The following ADAMTSL5 variants were observed in gnomAD, a reference collection of about 807,000 sequenced individuals.
ADAMTSL5 encodes the protein ADAMTS like 5, also known as ADAMTS-like protein 5.
A neutral mutation model predicts 51.7 loss-of-function variants in ADAMTSL5; 53 were observed. The observed-to-expected ratio is 1.03, with a 90% CI of 0.82 to 1.29. ADAMTSL5 has a LOEUF of 1.29. Among genes scored for constraint, ADAMTSL5 ranks in the 50% most tolerant of loss-of-function variants. ADAMTSL5 has a pLI of 0.00. For missense variants in ADAMTSL5, 770 were observed against 676.2 expected, an observed-to-expected ratio of 1.14 and a Z score of -1.54; for synonymous variants, 285 against 278.7, an observed-to-expected ratio of 1.02 and a Z score of -0.23.
chr19:1,510,389 C>T lies in ADAMTSL5; in HGVS notation c.231G>A (p.Glu77=). The T allele has an allele frequency of 6.2e-7, 1 of 1,613,174 alleles. No individual in the cohort carries two copies. Among genetic ancestry groups the T allele is most frequent in the Non-Finnish European group, 8.5e-7 (1 of 1,179,874 alleles). ...GEEPCWGDSH[E]YRLCQLPDCP... is the part of the protein sequence containing the mutation. ...TTACTGGCAACTGGCAGAGGCGGTA[C>T]TCATGGGAGTCTCCCCAGCACGGTT... The change falls in exon 4 of 12, where the codon GAG becomes GAA. Residue 77 remains glutamate (E), a synonymous_variant. Coordinates refer to ENST00000330475, the MANE Select transcript of ADAMTSL5 (RefSeq NM_213604.3).
At chr19:1,508,250 G>A in intron 6 of ADAMTSL5, 141 bp from the exon 7 acceptor site, 2 of 1,222,918 alleles carry the variant, frequency 1.6e-6, no homozygotes, top group Non-Finnish European at 2.2e-6. Context: ...CCTGGCGGGA[G>A]GAGGATGGGC....
chr19:1,511,047 G>C lies in ADAMTSL5; in HGVS notation c.-104C>G. Reference sequence around the variant, plus strand: ...TCTCTGAGCCCTACCTCTCGTCTCTGAAAAACGGGGTAATAGAGCCTCCCT... The same window carrying C: ...TCTCTGAGCCCTACCTCTCGTCTCTCAAAAACGGGGTAATAGAGCCTCCCT... On this transcript the variant is annotated 5_prime_UTR_variant, in exon 2 of 12. Transcript: ENST00000330475. 1.1e-6 allele frequency: 1 copy of C among 898,858 alleles called. No homozygotes were observed. Among genetic ancestry groups the C allele is most frequent in the South Asian group, 4.3e-5 (1 of 23,256 alleles). 55.7% of individuals were successfully genotyped at this position (898,858 alleles called of 1,614,324 possible).
Position 1,505,957 on chromosome 19 carries a change from G to T in ADAMTSL5, c.*58C>A, listed in dbSNP as rs553786541. 7.6e-6 allele frequency: 11 copies of T among 1,453,398 alleles called. No individual in the cohort carries two copies. The highest frequency in any genetic ancestry group is 5.2e-5 in the Admixed American group (2 of 38,794). The allele number at this position is 1,453,398 out of a possible 1,614,324, so 90.0% of individuals were successfully genotyped here. ...AGGGTGAGAGGGGAAATACGTTGAC[G>T]TTGAGGCTGGTCAGATGTATCTTTC... is the stretch of plus-strand genomic sequence containing the variant. On this transcript the variant is annotated 3_prime_UTR_variant, in exon 12 of 12. Transcript: ENST00000330475.
rs774416510 is a variant in ADAMTSL5, at chr19:1,508,496, C to T, written c.436G>A (p.Gly146Ser). The T allele has an allele frequency of 1.6e-5, 25 of 1,586,766 alleles. No individual in the cohort carries two copies. The highest frequency in any genetic ancestry group is 2.3e-5 in the East Asian group (1 of 44,160). The change falls in exon 6 of 12, where the codon GGC becomes AGC. Residue 146 changes from glycine to serine, a missense_variant. Coordinates refer to ENST00000330475, the MANE Select transcript of ADAMTSL5 (RefSeq NM_213604.3). ...FYHSFGRVLD[G>S]TACSPGAQGV... ...TGGGCACCCGGGCTGCAGGCGGTGC[C>T]GTCCAGGACGCGGCCGAAGCTGTGG...
In ADAMTSL5 at chr19:1,507,302, G is replaced by A. The variant is rs1478038143; in HGVS notation, c.792C>T (p.Asp264=). 1.3e-6 allele frequency: 2 copies of A among 1,588,964 alleles called. No homozygotes were observed. Among genetic ancestry groups the A allele is most frequent in the Admixed American group, 1.8e-5 (1 of 56,470 alleles). The stretch of plus-strand genomic sequence containing the variant: ...CTTGCAATGTCTCCTGGGGCCCTGT[G>A]TCTCGGGTGTAGACCACATGCGTGC... ...AAGTHVVYTR[D]TGPQETLQAA... is the part of the protein sequence containing the mutation. The change falls in exon 9 of 12, where the codon GAC becomes GAT. Residue 264 remains aspartate (D), a synonymous_variant. Transcript: ENST00000330475.
rs1912930524 is a variant in ADAMTSL5 at position 1,506,496 on chromosome 19, A to C, written c.1114+94T>G. The C allele has an allele frequency of 6.7e-7, 1 of 1,497,858 alleles. No homozygotes were observed. The highest frequency in any genetic ancestry group is 2.0e-5 in the Admixed American group (1 of 51,194). 92.8% of individuals were successfully genotyped at this position (1,497,858 alleles called of 1,614,324 possible). A position where few individuals can be genotyped will look rare whatever the true frequency, so the allele number is the denominator to read the frequency against. ...GGTCAAGAGGCAAATTAGGATCAGA[A>C]GAAGGGGTCAAGGGTAAAGTCAGAT... is the stretch of plus-strand genomic sequence containing the variant. On this transcript the variant is annotated intron_variant, in intron 11 of 11. Transcript: ENST00000330475. This position sits in a 1 kb window ranked among gnomAD's most constrained non-coding sequence, Gnocchi z 5.6.
rs1282465376 is a variant in ADAMTSL5 at position 1,508,466 on chromosome 19, C to A, written c.466G>T (p.Val156Phe). ...ACAAGGCAGCGGCCAGCCACGCAGA[C>A]CCCCTGGGCACCCGGGCTGCAGGCG... ...GTACSPGAQG[V>F]CVAGRCLSAG... The change falls in exon 6 of 12, where the codon GTC becomes TTC. Residue 156 changes from valine (V) to phenylalanine (F), a missense_variant. By Grantham distance (50) the Val-to-Phe change is conservative. Coordinates refer to ENST00000330475, the MANE Select transcript of ADAMTSL5 (RefSeq NM_213604.3). 2 of 1,574,824 alleles carry A rather than the reference C, an allele frequency of 1.3e-6. No individual in the cohort carries two copies. Among genetic ancestry groups the A allele is most frequent in the East Asian group, 2.3e-5 (1 of 43,424 alleles).
rs1200457665 is a variant in ADAMTSL5, at chr19:1,507,425, C to A, written c.689-20G>T. ...TCAGTGCTGCAAGGGAACAGTCAGC[C>A]CTCAGGAACCTGTCGTCTCGTCTCC... On this transcript the variant is annotated intron_variant, in intron 8 of 11. Transcript: ENST00000330475. The A allele has an allele frequency of 6.3e-7, 1 of 1,587,680 alleles. No homozygotes were observed. The highest frequency in any genetic ancestry group is 8.6e-7 in the Non-Finnish European group (1 of 1,165,958).
Position 1,505,478 on chromosome 19 carries a change from G to C in ADAMTSL5, c.*537C>G, listed in dbSNP as rs1263506276. On this transcript the variant is annotated 3_prime_UTR_variant, in exon 12 of 12. Coordinates refer to ENST00000330475, the MANE Select transcript of ADAMTSL5 (RefSeq NM_213604.3). Reference sequence around the variant, plus strand: ...GTTTCCTGGTAGCCAGGGGAAAAGGGGAAATTGGTACGTTGGTACGTTACA... The same window carrying C: ...GTTTCCTGGTAGCCAGGGGAAAAGGCGAAATTGGTACGTTGGTACGTTACA... 1 of 152,374 alleles carries C rather than the reference G, an allele frequency of 6.6e-6. No individual in the cohort carries two copies. Among genetic ancestry groups the C allele is most frequent in the Non-Finnish European group, 1.5e-5 (1 of 68,182 alleles). 9.4% of individuals were successfully genotyped at this position (152,374 alleles called of 1,614,324 possible). A position where few individuals can be genotyped will look rare whatever the true frequency, so the allele number is the denominator to read the frequency against.
At chr19:1,507,130 C>A in intron 9 of ADAMTSL5, 112 bp downstream of exon 9, 1 of 1,351,378 alleles carries the variant, frequency 7.4e-7, no homozygotes, top group South Asian at 1.4e-5. Context: ...TCCCCTCTGA[C>A]CCCAGACTCC....
chr19:1,506,686 G>C lies in ADAMTSL5; in HGVS notation c.1043-25C>G. On this transcript the variant is annotated intron_variant, in intron 10 of 11. Coordinates refer to ENST00000330475, the MANE Select transcript of ADAMTSL5 (RefSeq NM_213604.3). The surrounding 1 kb of genome is among the most constrained non-coding windows in gnomAD (Gnocchi z 5.6). ...TCTGTGGGATGGGCGGTGCTGTGAG[G>C]GGCACAGGCCTCAGTCCCCACTCAT... The C allele has an allele frequency of 6.3e-7, 1 of 1,587,052 alleles. No individual in the cohort carries two copies. Among genetic ancestry groups the C allele is most frequent in the South Asian group, 1.2e-5 (1 of 86,800 alleles).
chr19:1,507,951 A>C (rs1320989203), intron 7 of ADAMTSL5, 47 bp downstream of exon 7: 29 of 1,525,952 alleles, frequency 1.9e-5, no homozygotes, highest in Non-Finnish European at 2.5e-5. Flanking sequence ...GGCTCGTTAA[A>C]GGGCCCACTC....
Position 1,508,042 on chromosome 19 carries a change from G to A in ADAMTSL5, c.557C>T (p.Ala186Val), listed in dbSNP as rs764155350. 1.4e-5 allele frequency: 22 copies of A among 1,609,470 alleles called. No homozygotes were observed. Among genetic ancestry groups the A allele is most frequent in the South Asian group, 5.5e-5 (5 of 90,438 alleles). The part of the protein sequence containing the change: ...LEDRCGRCGG[A>V]NDSCLFVQRV... ...CTGCACGAAAAGGCACGAGTCGTTGGCGCCTCCGCAGCGGCCACAGCGGTC... is the reference window on the plus strand; with the variant it reads ...CTGCACGAAAAGGCACGAGTCGTTGACGCCTCCGCAGCGGCCACAGCGGTC... The change falls in exon 7 of 12, where the codon GCC becomes GTC. Residue 186 changes from alanine to valine, a missense_variant. Coordinates refer to ENST00000330475, the MANE Select transcript of ADAMTSL5 (RefSeq NM_213604.3).
rs1912936549 is a variant in ADAMTSL5, at chr19:1,506,598, C to G, written c.1106G>C (p.Ser369Thr). 2 of 1,610,940 alleles carry G rather than the reference C, an allele frequency of 1.2e-6. No homozygotes were observed. Among genetic ancestry groups the G allele is most frequent in the Non-Finnish European group, 1.7e-6 (2 of 1,179,138 alleles). Reference protein sequence around the residue: ...RAHRLLHYCGSDFVFQARVLG... With the variant: ...RAHRLLHYCGTDFVFQARVLG... Reference sequence around the variant, plus strand: ...GAGGTCGGGGGTCTCACCAAAGTCACTGCCGCAATAGTGGAGTAGTCGGTG... The same window carrying G: ...GAGGTCGGGGGTCTCACCAAAGTCAGTGCCGCAATAGTGGAGTAGTCGGTG... Residue 369 changes from serine (S) to threonine (T), a missense_variant, in exon 11 of 12, where the codon AGT becomes ACT. Coordinates refer to ENST00000330475, the MANE Select transcript of ADAMTSL5 (RefSeq NM_213604.3). This position sits in a 1 kb window ranked among gnomAD's most constrained non-coding sequence, Gnocchi z 5.6.
Position 1,510,364 on chromosome 19 carries a change from T to C in ADAMTSL5, c.252+4A>G. ...GAGTGGTCTGGGAGGTGGGCAGGGC[T>C]TACTGGCAACTGGCAGAGGCGGTAC... On this transcript the variant is annotated splice_donor_region_variant and intron_variant, in intron 4 of 11. Coordinates refer to ENST00000330475, the MANE Select transcript of ADAMTSL5 (RefSeq NM_213604.3). 2 of 1,613,694 alleles carry C rather than the reference T, an allele frequency of 1.2e-6. No homozygotes were observed. The highest frequency in any genetic ancestry group is 1.7e-6 in the Non-Finnish European group (2 of 1,179,898).
At chr19:1,507,955 C>G in intron 7 of ADAMTSL5, 43 bp downstream of exon 7, 1 of 1,538,524 alleles carries the variant, frequency 6.5e-7, no homozygotes, top group South Asian at 1.2e-5. Flanking sequence ...CGTTAAAGGG[C>G]CCACTCTGAC....
intron 5 of ADAMTSL5, 68 bp downstream of exon 5, chr19:1,510,082 C>T (rs1913177455): frequency 7.7e-7 from 1 of 1,299,498 alleles, no homozygotes; most frequent in Non-Finnish European, 1.1e-6. Flanking sequence ...CCTCCAAGAC[C>T]CTCTCCCTGA....
intron 9 of ADAMTSL5, 99 bp from the exon 10 acceptor site, chr19:1,507,027 G>T: frequency 7.3e-7 from 1 of 1,367,502 alleles, no homozygotes. Flanking sequence ...GATCCTGTCT[G>T]CCCCCAGCCT....
chr19:1,510,831 ATGCCCCCCCTTACC>A lies in ADAMTSL5; in HGVS notation c.99_99+13del. On this transcript the variant is annotated splice_donor_variant and splice_donor_5th_base_variant and coding_sequence_variant and intron_variant, in exon 2 of 12. Coordinates refer to ENST00000330475, the MANE Select transcript of ADAMTSL5 (RefSeq NM_213604.3). LOFTEE classifies it high-confidence loss of function. ...TTCCCACTCGCCACCCCCTGGGCTC[ATGCCCCCCCTTACC>A]TGAGCACTGACCCCCAAACCACAGT... The A allele has an allele frequency of 6.5e-7, 1 of 1,528,804 alleles. No homozygotes were observed. The highest frequency in any genetic ancestry group is 8.8e-7 in the Non-Finnish European group (1 of 1,141,198). The allele number at this position is 1,528,804 out of a possible 1,614,324, so 94.7% of individuals were successfully genotyped here.
Sources: allele counts gnomAD v4.1 joint callset, GRCh38; gene constraint gnomAD v4.1.1; non-coding constraint Gnocchi (gnomAD v3.1); transcripts MANE v1.5; gene names NCBI Gene and HGNC (gene_info 2026-07-23, HGNC 2026-07-21).